The following AKAP12 variants were observed in gnomAD, a reference collection of about 807,000 sequenced individuals.
AKAP12 encodes A-kinase anchoring protein 12.
A neutral mutation model predicts 79.9 loss-of-function variants in AKAP12; 32 were observed. The observed-to-expected ratio is 0.40, with a 90% confidence interval of 0.30 to 0.54. AKAP12 has a LOEUF of 0.54. Among genes scored for constraint, AKAP12 ranks in the 20% least tolerant of loss-of-function variants. AKAP12 has a pLI of 0.48. For synonymous variants in AKAP12, 808 were observed against 857.0 expected (o/e 0.94, Z 1.00); for missense variants, 2,074 against 2,177.0 (o/e 0.95, Z 0.94).
At chr6:151,339,471 C>T (rs548704745) in intron 3 of AKAP12, among the ~76,000 whole-genome samples, 3 of 152,246 alleles carry the variant, frequency 2.0e-5, no homozygotes, top group East Asian at 1.9e-4. Context: ...GTGGAGAGTT[C>T]GGAGAATTCC....
Position 151,349,625 on chromosome 6 carries a change from C to G in AKAP12, c.1234C>G (p.Gln412Glu). The G allele has an allele frequency of 6.2e-7, 1 of 1,612,494 alleles. No homozygotes were observed. Among genetic ancestry groups the G allele is most frequent in the Non-Finnish European group, 8.5e-7 (1 of 1,179,570 alleles). The change falls in exon 4 of 5, where the codon CAA (glutamine) becomes GAA (glutamate). Residue 412 changes from glutamine (Q) to glutamate (E), a missense_variant. This residue lies in a region of AKAP12 where 1,428 missense variants were observed against 1,451.0 expected (regional missense o/e 0.98). Coordinates refer to ENST00000402676, the MANE Select transcript of AKAP12 (RefSeq NM_005100.4). ...EVFDEKIEVH[Q>E]EEVVAEVHVS... ...GTTTGATGAGAAAATAGAAGTCCAC[C>G]AAGAAGAGGTTGTGGCCGAAGTCCA...
chr6:151,314,289 A>G (rs891008951), intron 3 of AKAP12, among the ~76,000 whole-genome samples: 7 of 152,142 alleles, frequency 4.6e-5, no homozygotes, highest in African/African-American at 9.7e-5. Flanking sequence ...CAGCCTCCCA[A>G]GTGCTGGGAT....
At chr6:151,297,210 G>A (rs575864287) in intron 2 of AKAP12, among the ~76,000 whole-genome samples, 45 of 139,946 alleles carry the variant, frequency 3.2e-4, no homozygotes, top group South Asian at 1.1e-3. Flanking sequence ...GTATGTGTGT[G>A]TGTGTTGTGG....
intron 2 of AKAP12, among the ~76,000 whole-genome samples, chr6:151,251,886 A>G (rs1056069618): frequency 5.3e-5 from 8 of 152,096 alleles, no homozygotes; most frequent in Admixed American, 1.3e-4. Flanking sequence ...AGTCCCACCT[A>G]CCTGGGAAGC....
intron 2 of AKAP12, among the ~76,000 whole-genome samples, chr6:151,260,588 T>TC (rs137928267): frequency 6.6e-6 from 1 of 152,348 alleles, no homozygotes; most frequent in African/African-American, 2.4e-5. Flanking sequence ...TCAGACCCTG[T>TC]CCTCACTTCT....
chr6:151,293,982 T>C (rs2114740047), intron 2 of AKAP12, among the ~76,000 whole-genome samples: 1 of 151,374 alleles, frequency 6.6e-6, no homozygotes, highest in Middle Eastern at 3.4e-3. Flanking sequence ...TCTTCTTCTT[T>C]TTTTTTTTTT....
chr6:151,304,180 C>T (rs1458980441), intron 2 of AKAP12, among the ~76,000 whole-genome samples: 2 of 151,872 alleles, frequency 1.3e-5, no homozygotes, highest in African/African-American at 2.4e-5. Flanking sequence ...TACCTATATT[C>T]TCAGGATTAA....
chr6:151,260,335 T>C lies in AKAP12; in HGVS notation c.162+19611T>C, dbSNP rs143963575. 2.6e-5 allele frequency among the ~76,000 whole-genome samples: 4 copies of C among 152,252 alleles called. No homozygotes were observed. In the East Asian group the frequency reaches 7.7e-4, roughly 29 times the overall value. ...TCGCTCTTGAGTTCAATGCTAGAGG[T>C]CTCACTCCTGTTTGGGCAGCTCTCA... On this transcript the variant is annotated intron_variant, in intron 2 of 4. Coordinates refer to ENST00000402676, the MANE Select transcript of AKAP12 (RefSeq NM_005100.4).
At chr6:151,318,487 C>T (rs1218001078) in intron 3 of AKAP12, among the ~76,000 whole-genome samples, 2 of 152,182 alleles carry the variant, frequency 1.3e-5, no homozygotes, top group African/African-American at 4.8e-5. Context: ...GATGTCTGGC[C>T]ATTGGAATCT....
chr6:151,331,433 T>C (rs887068067), intron 3 of AKAP12, among the ~76,000 whole-genome samples: 3 of 152,168 alleles, frequency 2.0e-5, no homozygotes, highest in Non-Finnish European at 4.4e-5. Context: ...TTTCCACACT[T>C]ATTATTAAGG....
At chr6:151,308,891 T>G (rs1777031603) in intron 3 of AKAP12, among the ~76,000 whole-genome samples, 1 of 152,198 alleles carries the variant, frequency 6.6e-6, no homozygotes, top group African/African-American at 2.4e-5. Flanking sequence ...TAGTTTTGTT[T>G]TGAGACGGAG....
At chr6:151,248,817 A>G (rs1479964227) in intron 2 of AKAP12, among the ~76,000 whole-genome samples, 3 of 152,058 alleles carry the variant, frequency 2.0e-5, no homozygotes, top group East Asian at 1.9e-4. Flanking sequence ...GTGAAACCCC[A>G]TCTCTATTAA....
chr6:151,344,446 A>C (rs9383883), intron 3 of AKAP12, among the ~76,000 whole-genome samples: 102,045 of 151,742 alleles, frequency 0.67, 34,944 homozygotes, highest in Non-Finnish European at 0.74. Context: ...TTAGAGAATA[A>C]CAAGGTACAA....
chr6:151,275,660 A>G (rs994170763), intron 2 of AKAP12, among the ~76,000 whole-genome samples: 1 of 152,354 alleles, frequency 6.6e-6, no homozygotes, highest in Middle Eastern at 3.4e-3. Context: ...GATGTTAAAA[A>G]TGAGAAATCT....
chr6:151,293,874 A>C (rs544283071), intron 2 of AKAP12, among the ~76,000 whole-genome samples: 8 of 152,330 alleles, frequency 5.3e-5, no homozygotes, highest in African/African-American at 1.9e-4. Flanking sequence ...GATAGATCAT[A>C]TCATGGATCC....
At chr6:151,324,291 C>T (rs1777469178) in intron 3 of AKAP12, 1 of 985,378 alleles carries the variant, frequency 1.0e-6, no homozygotes, top group Non-Finnish European at 1.2e-6. Context: ...GGGTATTTGC[C>T]AGGATGTGAA....
rs1244121283 is a variant in AKAP12, at chr6:151,353,027, A to C, written c.4636A>C (p.Ser1546Arg). 6.2e-7 allele frequency: 1 copy of C among 1,614,132 alleles called. No individual in the cohort carries two copies. Among genetic ancestry groups the C allele is most frequent in the Non-Finnish European group, 8.5e-7 (1 of 1,180,060 alleles). Residue 1546 changes from serine to arginine, a missense_variant, in exon 4 of 5, where the codon AGC becomes CGC. Physicochemically the swap from Ser to Arg is moderately radical, Grantham distance 110. Around this residue, in one of 3 missense-constraint regions of AKAP12, gnomAD observed 614 missense variants for 665.6 expected, o/e 0.92. Coordinates refer to ENST00000402676, the MANE Select transcript of AKAP12 (RefSeq NM_005100.4). ...ENGILELETKSSKLVQNIIQT... is the reference protein window; with the variant it reads ...ENGILELETKRSKLVQNIIQT... ...TGGGATTTTGGAACTTGAGACCAAA[A>C]GCAGTAAACTTGTCCAAAACATCAT...
intron 2 of AKAP12, among the ~76,000 whole-genome samples, chr6:151,254,124 CT>C (rs1323542821): frequency 1.3e-5 from 2 of 152,070 alleles, no homozygotes; most frequent in Non-Finnish European, 2.9e-5. Context: ...ATGAAATAAG[CT>C]ATTGAAAAGC....
At chr6:151,347,015 TTTTC>T (rs1778119415) in intron 3 of AKAP12, among the ~76,000 whole-genome samples, 1 of 151,922 alleles carries the variant, frequency 6.6e-6, no homozygotes, top group Non-Finnish European at 1.5e-5. Context: ...TTCTCTTTCT[TTTTC>T]TTTTTCACAT....
Sources: allele counts gnomAD v4.1 joint callset (sites outside exome capture counted in the v4.1 genomes callset), GRCh38; gene constraint gnomAD v4.1.1; regional missense constraint gnomAD v4.1.1; transcripts MANE v1.5; gene names NCBI Gene and HGNC (gene_info 2026-07-23, HGNC 2026-07-21).